DGKB: variants seen among roughly 807,000 people sequenced by gnomAD.
DGKB encodes the protein 90 kDa diacylglycerol kinase.
In DGKB, 67 loss-of-function variants were observed where a neutral mutation model predicts 114.3. That is an observed-to-expected ratio of 0.59 (90% CI 0.48 to 0.72). DGKB has a LOEUF of 0.72. DGKB is among the 30% of genes least tolerant of loss of function. The pLI is 0.00. For synonymous variants in DGKB, 398 were observed against 323.1 expected, an observed-to-expected ratio of 1.23 and a Z score of -2.49; for missense variants, 907 against 975.2, an observed-to-expected ratio of 0.93 and a Z score of 0.93.
intron 23 of DGKB, among the ~76,000 whole-genome samples, chr7:14,241,939 TATATACACACACACATATACACACACAC>T (rs1392238159): frequency 1.2e-5 from 1 of 81,490 alleles, no homozygotes; most frequent in East Asian, 5.7e-4. Context: ...CACATATAGA[TATATACACACACACATATACACACACAC>T]ACACACACAC....
intron 20 of DGKB, among the ~76,000 whole-genome samples, chr7:14,506,881 A>G (rs1235575027): frequency 2.0e-5 from 3 of 152,220 alleles, no homozygotes; most frequent in Non-Finnish European, 4.4e-5. Context: ...GATTGTAAGT[A>G]GAAGTCATAT....
intron 21 of DGKB, among the ~76,000 whole-genome samples, chr7:14,432,930 G>A (rs1477933490): frequency 1.3e-5 from 2 of 152,238 alleles, no homozygotes; most frequent in East Asian, 3.9e-4. Context: ...TAGAAACCTA[G>A]GGAAGAAAAT....
chr7:14,718,491 C>G, intron 6 of DGKB, 51 bp downstream of exon 6: 2 of 1,538,526 alleles, frequency 1.3e-6, no homozygotes, highest in Non-Finnish European at 1.8e-6. Flanking sequence ...ATATCCAGTC[C>G]TTTCTCCTGC....
intron 23 of DGKB, among the ~76,000 whole-genome samples, chr7:14,219,938 A>ATT (rs965846430): frequency 6.6e-6 from 1 of 151,496 alleles, no homozygotes; most frequent in Non-Finnish European, 1.5e-5. Flanking sequence ...TTTTTAGTTA[A>ATT]TTTTTCTATA....
chr7:14,405,702 G>A (rs1823824558), intron 21 of DGKB, among the ~76,000 whole-genome samples: 1 of 151,970 alleles, frequency 6.6e-6, no homozygotes, highest in South Asian at 2.1e-4. Flanking sequence ...TATAGGTTGT[G>A]CCTCATGAAA....
chr7:14,802,672 C>T (rs1842322673), intron 2 of DGKB, among the ~76,000 whole-genome samples: 1 of 151,932 alleles, frequency 6.6e-6, no homozygotes, highest in African/African-American at 2.4e-5. Context: ...AGTTGTGAAC[C>T]TACCACAAAG....
intron 1 of DGKB, among the ~76,000 whole-genome samples, chr7:14,942,827 A>G (rs964926017): frequency 5.9e-5 from 9 of 151,878 alleles, no homozygotes; most frequent in Non-Finnish European, 1.2e-4. Flanking sequence ...TACCTAAAAT[A>G]CCTTTTGCAT....
At chr7:14,723,020 TA>T (rs1211434941) in intron 5 of DGKB, among the ~76,000 whole-genome samples, 2 of 150,884 alleles carry the variant, frequency 1.3e-5, no homozygotes, top group Non-Finnish European at 2.9e-5. Flanking sequence ...TTTATTTATT[TA>T]TTCATTTTTT....
chr7:14,588,050 C>A (rs892742794), intron 17 of DGKB, among the ~76,000 whole-genome samples: 12 of 152,122 alleles, frequency 7.9e-5, no homozygotes, highest in African/African-American at 2.6e-4. Flanking sequence ...TGCAACTTTA[C>A]CAGATAACAT....
chr7:14,867,655 A>G (rs1851878535), intron 1 of DGKB, among the ~76,000 whole-genome samples: 1 of 152,174 alleles, frequency 6.6e-6, no homozygotes, highest in African/African-American at 2.4e-5. Flanking sequence ...TTAAAATATA[A>G]ATGTAATTAA....
intron 13 of DGKB, among the ~76,000 whole-genome samples, chr7:14,643,710 C>T (rs1812308041): frequency 6.6e-6 from 1 of 152,110 alleles, no homozygotes; most frequent in Admixed American, 6.5e-5. Context: ...TCTTATCTGC[C>T]GTCACCAACA....
chr7:14,718,119 T>C (rs1165852677), intron 6 of DGKB, among the ~76,000 whole-genome samples: 2 of 152,144 alleles, frequency 1.3e-5, no homozygotes, highest in East Asian at 1.9e-4. Context: ...GTGCTGAAGA[T>C]TGCAAGGGAG....
At chr7:14,277,269 C>G (rs540774337) in intron 23 of DGKB, among the ~76,000 whole-genome samples, 1 of 152,190 alleles carries the variant, frequency 6.6e-6, no homozygotes, top group South Asian at 2.1e-4. Flanking sequence ...CTCCCAGGTT[C>G]AAGCGATTCT....
At chr7:14,487,589 T>TG (rs1784009226) in intron 20 of DGKB, among the ~76,000 whole-genome samples, 1 of 150,142 alleles carries the variant, frequency 6.7e-6, no homozygotes, top group African/African-American at 2.4e-5. Flanking sequence ...ATTCCTTTTT[T>TG]TTTTTTTTTT....
chr7:14,351,665 A>C (rs931839453), intron 21 of DGKB, among the ~76,000 whole-genome samples: 2 of 152,190 alleles, frequency 1.3e-5, no homozygotes, highest in African/African-American at 4.8e-5. Context: ...AGTATGTAAT[A>C]GTGGCATGAA....
chr7:14,176,212 T>C (rs1038354643), intron 25 of DGKB: 1 of 339,172 alleles, frequency 2.9e-6, no homozygotes, highest in African/African-American at 2.3e-5. Flanking sequence ...GTTGGTCTTG[T>C]TCATGTGTCT....
At chr7:14,471,994 T>A (rs1042801096) in intron 21 of DGKB, among the ~76,000 whole-genome samples, 3 of 152,152 alleles carry the variant, frequency 2.0e-5, no homozygotes, top group Non-Finnish European at 4.4e-5. Flanking sequence ...CCAGATACTT[T>A]GAAATAAGCT....
At chr7:14,373,584 G>C (rs1451754665) in intron 21 of DGKB, among the ~76,000 whole-genome samples, 1 of 152,008 alleles carries the variant, frequency 6.6e-6, no homozygotes, top group African/African-American at 2.4e-5. Context: ...TTAGCTATTG[G>C]CTGATGCAAG....
chr7:14,875,719 C>T (rs1020368468), intron 1 of DGKB, among the ~76,000 whole-genome samples: 2 of 152,088 alleles, frequency 1.3e-5, no homozygotes, highest in African/African-American at 2.4e-5. Context: ...ATAAAACAAG[C>T]TTTTCTAACC....
Sources: allele counts gnomAD v4.1 joint callset (sites outside exome capture counted in the v4.1 genomes callset), GRCh38; gene constraint gnomAD v4.1.1; transcripts MANE v1.5; gene names NCBI Gene and HGNC (gene_info 2026-07-23, HGNC 2026-07-21).